The following PRICKLE2 variants were observed in gnomAD, a reference collection of about 807,000 sequenced individuals.
PRICKLE2 encodes the protein prickle-like protein 2.
Under a neutral mutation model 81.4 loss-of-function variants are expected in PRICKLE2, and 21 were observed. That is an observed-to-expected ratio of 0.26 (90% CI 0.18 to 0.37). PRICKLE2 has a LOEUF of 0.37. Ranked by LOEUF, PRICKLE2 falls within the 10% of genes least tolerant of loss-of-function variation. The probability of loss-of-function intolerance (pLI) is 1.00; values close to 1 mark genes in which losing one functional copy is unlikely to be tolerated. For missense variants in PRICKLE2, 940 were observed against 1,109.0 expected, an observed-to-expected ratio of 0.85 and a Z score of 2.16; for synonymous variants, 456 against 421.5, an observed-to-expected ratio of 1.08 and a Z score of -1.00.
Position 64,147,555 on chromosome 3 carries a change from G to C in PRICKLE2, c.935C>G (p.Ala312Gly). ...GQIFCSRACS[A>G]GEDPNGSDSS... ...GTCAGAACCATTGGGGTCTTCCCCAGCACTGCAGGCCCGTGAGCAGAATAT... is the reference window on the plus strand; with the variant it reads ...GTCAGAACCATTGGGGTCTTCCCCACCACTGCAGGCCCGTGAGCAGAATAT... The change falls in exon 7 of 8, where the codon GCT becomes GGT. Residue 312 changes from alanine to glycine, a missense_variant. Around this residue, in one of 2 missense-constraint regions of PRICKLE2, gnomAD observed 670 missense variants for 717.2 expected, o/e 0.93. Transcript: ENST00000638394. This position sits in a 1 kb window ranked among gnomAD's most constrained non-coding sequence, Gnocchi z 5.0. The C allele has an allele frequency of 6.2e-7, 1 of 1,614,258 alleles. No homozygotes were observed. The highest frequency in any genetic ancestry group is 8.5e-7 in the Non-Finnish European group (1 of 1,180,048).
At position 64,252,775 on chromosome 3, in the gene PRICKLE2, G is replaced by A. The variant is rs55671636; in HGVS notation, c.129-53808C>T. 3.3e-5 allele frequency among the ~76,000 whole-genome samples: 5 copies of A among 152,048 alleles called. No individual in the cohort carries two copies. The East Asian group carries it at 9.7e-4, about 29-fold the overall frequency. ...GTAAAACCTCACTGGATTAGATCAGGGGTCAACAAACTTTTTCCTATTAAG... is the reference window on the plus strand; with the variant it reads ...GTAAAACCTCACTGGATTAGATCAGAGGTCAACAAACTTTTTCCTATTAAG... On this transcript the variant is annotated intron_variant, in intron 2 of 8. Coordinates refer to the PRICKLE2 transcript ENST00000295902.
chr3:64,217,640 C>G (rs1387606529), intron 1 of PRICKLE2, among the ~76,000 whole-genome samples: 1 of 152,142 alleles, frequency 6.6e-6, no homozygotes, highest in Non-Finnish European at 1.5e-5. Context: ...GTTGGGTTAG[C>G]ATGTAGTGTA....
At chr3:64,163,368 A>C (rs1183024927) in intron 2 of PRICKLE2, 1 of 565,774 alleles carries the variant, frequency 1.8e-6, no homozygotes, top group Non-Finnish European at 3.2e-6. Context: ...GGAAAAATAA[A>C]GCTAGTAAAT....
At chr3:64,173,855 T>G (rs1011547981) in intron 2 of PRICKLE2, among the ~76,000 whole-genome samples, 5 of 152,218 alleles carry the variant, frequency 3.3e-5, no homozygotes, top group Admixed American at 1.3e-4. Context: ...CTCCAGAATT[T>G]TGCCCTTTCT....
Position 64,098,863 on chromosome 3 carries a change from A to T in PRICKLE2, c.*188T>A. 1.5e-6 allele frequency: 1 copy of T among 653,966 alleles called. No individual in the cohort carries two copies. The highest frequency in any genetic ancestry group is 1.8e-5 in the South Asian group (1 of 54,974). 40.5% of individuals were successfully genotyped at this position (653,966 alleles called of 1,614,324 possible). Reference sequence around the variant, plus strand: ...TTCCAAAGTGAAATGTGCAAATAATATTCAACATGCCAAGAACTGTGACTA... The same window carrying T: ...TTCCAAAGTGAAATGTGCAAATAATTTTCAACATGCCAAGAACTGTGACTA... On this transcript the variant is annotated 3_prime_UTR_variant, in exon 8 of 8. Transcript: ENST00000638394.
intron 2 of PRICKLE2, among the ~76,000 whole-genome samples, chr3:64,169,819 C>A (rs927073540): frequency 6.6e-6 from 1 of 152,102 alleles, no homozygotes; most frequent in African/African-American, 2.4e-5. Context: ...TACCTCAATT[C>A]GGGGAGGTAA....
At chr3:64,156,143 A>G (rs761038177) in intron 5 of PRICKLE2, among the ~76,000 whole-genome samples, 21 of 152,226 alleles carry the variant, frequency 1.4e-4, no homozygotes, top group Non-Finnish European at 2.2e-4. Context: ...ATGAAGGTCA[A>G]AAGGTGTTCT....
chr3:64,105,626 A>T (rs1440677894), intron 7 of PRICKLE2: 1 of 152,198 alleles, frequency 6.6e-6, no homozygotes, highest in Admixed American at 6.5e-5. Flanking sequence ...TCCAATTTTA[A>T]AGTCAAAGTA....
chr3:64,247,792 T>C (rs763284321), intron 2 of PRICKLE2, among the ~76,000 whole-genome samples: 1 of 152,220 alleles, frequency 6.6e-6, no homozygotes, highest in Non-Finnish European at 1.5e-5. Flanking sequence ...AATTGCTTCT[T>C]AGTAAAGAAA....
intron 2 of PRICKLE2, among the ~76,000 whole-genome samples, chr3:64,249,622 T>C (rs2079414614): frequency 6.6e-6 from 1 of 152,206 alleles, no homozygotes; most frequent in South Asian, 2.1e-4. Flanking sequence ...AAAAAAATGA[T>C]GTGAAGACTC....
intron 1 of PRICKLE2, among the ~76,000 whole-genome samples, chr3:64,210,218 T>G (rs1163746538): frequency 6.6e-6 from 1 of 152,094 alleles, no homozygotes; most frequent in Non-Finnish European, 1.5e-5. Context: ...CCCTCTGTCT[T>G]GATACCCAGA....
In PRICKLE2 at chr3:64,147,124, C is replaced by T; in HGVS notation, c.1366G>A (p.Ala456Thr). The change falls in exon 7 of 8, where the codon GCC (alanine) becomes ACC (threonine). Residue 456 changes from alanine (A) to threonine (T), a missense_variant. By Grantham distance (58) the Ala-to-Thr change is moderately conservative. Coordinates refer to ENST00000638394, the MANE Select transcript of PRICKLE2 (RefSeq NM_198859.4). This position sits in a 1 kb window ranked among gnomAD's most constrained non-coding sequence, Gnocchi z 5.0. ...FSNPKRSSSL[A>T]MTGHAGSFIK... The stretch of plus-strand genomic sequence containing the variant: ...AAGCTGCCAGCATGTCCTGTCATGG[C>T]CAGTGACGAGCTCCTTTTGGGGTTG... 6.2e-7 allele frequency: 1 copy of T among 1,614,172 alleles called. No individual in the cohort carries two copies. Among genetic ancestry groups the T allele is most frequent in the African/African-American group, 1.3e-5 (1 of 75,046 alleles).
At chr3:64,225,515 C>T (rs1033880275), upstream of PRICKLE2, 2 of 931,972 alleles carry the variant, frequency 2.1e-6, no homozygotes, top group Non-Finnish European at 2.6e-6. Context: ...GCAAGTCAGT[C>T]ACGGCATCTG....
intron 1 of PRICKLE2, among the ~76,000 whole-genome samples, chr3:64,223,930 G>C (rs2078994249): frequency 6.6e-6 from 1 of 152,164 alleles, no homozygotes; most frequent in African/African-American, 2.4e-5. Flanking sequence ...AGATGTGCAG[G>C]CAAAGCAAAT....
At chr3:64,123,022 C>T (rs1057415863) in intron 7 of PRICKLE2, among the ~76,000 whole-genome samples, 6 of 152,160 alleles carry the variant, frequency 3.9e-5, no homozygotes, top group African/African-American at 1.4e-4. Context: ...TCTGGGAATG[C>T]TATGTGGCTC....
At chr3:64,176,567 A>C (rs543703889) in intron 2 of PRICKLE2, among the ~76,000 whole-genome samples, 35 of 152,374 alleles carry the variant, frequency 2.3e-4, no homozygotes, top group African/African-American at 8.4e-4. Context: ...ACATGCTATA[A>C]TCCAAAGAAA....
At position 64,099,578 on chromosome 3, in the gene PRICKLE2, G is replaced by C. The variant is rs1466616821; in HGVS notation, c.2008C>G (p.Arg670Gly). 7.4e-6 allele frequency: 12 copies of C among 1,613,306 alleles called. No homozygotes were observed. The highest frequency in any genetic ancestry group is 1.3e-5 in the African/African-American group (1 of 74,928). The change falls in exon 8 of 8, where the codon CGG (arginine) becomes GGG (glycine). Residue 670 changes from arginine to glycine, a missense_variant. Around this residue, in one of 2 missense-constraint regions of PRICKLE2, gnomAD observed 670 missense variants for 717.2 expected, o/e 0.93. Coordinates refer to ENST00000638394, the MANE Select transcript of PRICKLE2 (RefSeq NM_198859.4). The surrounding 1 kb of genome is among the most constrained non-coding windows in gnomAD (Gnocchi z 4.3). ...TCGTCGCGTGAAGTAGCTCTTCTCC[G>C]GGTGCGTTCACTCATGGGCTGGATC... ...VRIQPMSERT[R>G]RRATSRDDNR...
At chr3:64,213,190 C>A (rs570068356) in intron 1 of PRICKLE2, among the ~76,000 whole-genome samples, 7 of 151,736 alleles carry the variant, frequency 4.6e-5, no homozygotes, top group Non-Finnish European at 1.0e-4. Flanking sequence ...AATTCTCCTG[C>A]CTCAGCCTTC....
At chr3:64,183,903 C>T (rs895995298) in intron 2 of PRICKLE2, among the ~76,000 whole-genome samples, 2 of 152,154 alleles carry the variant, frequency 1.3e-5, no homozygotes, top group African/African-American at 2.4e-5. Flanking sequence ...GGGTATTTAC[C>T]CTGATGTCGT....
Sources: gnomAD v4.1 joint callset for allele counts (sites outside exome capture counted in the v4.1 genomes callset) on GRCh38, gnomAD v4.1.1 for gene constraint, gnomAD v4.1.1 regional missense constraint, Gnocchi (gnomAD v3.1) non-coding constraint, MANE v1.5 for transcripts, NCBI Gene and HGNC (gene_info 2026-07-23, HGNC 2026-07-21) for gene names.